FECH: variants seen among roughly 807,000 people sequenced by gnomAD.
FECH encodes the protein ferrochelatase, also known as ferrochelatase, mitochondrial.
FECH carries 40 observed loss-of-function variants against 56.9 expected under a neutral mutation model. The ratio of observed to expected loss-of-function variants is 0.70; its 90% confidence interval spans 0.55 to 0.92. The LOEUF (loss-of-function observed/expected upper bound fraction) is 0.92. Ranked by LOEUF, FECH falls within the 40% of genes least tolerant of loss-of-function variation. The probability of loss-of-function intolerance (pLI) is 0.00; values close to 1 mark genes in which losing one functional copy is unlikely to be tolerated. For synonymous variants in FECH, 175 were observed against 198.6 expected, an observed-to-expected ratio of 0.88 and a Z score of 1.00; for missense variants, 431 against 529.1, an observed-to-expected ratio of 0.81 and a Z score of 1.82.
intron 6 of FECH, among the ~76,000 whole-genome samples, chr18:57,561,078 A>G (rs950613752): frequency 6.6e-6 from 1 of 152,204 alleles, no homozygotes; most frequent in Non-Finnish European, 1.5e-5. Context: ...AGATGCTCAG[A>G]AAGGATTATT....
rs1348124082 is a variant in FECH, at chr18:57,545,826, A to AC, written c.*4885_*4886insG. ...TCTAGCTGGAGAAAATTGACAAAAA[A>AC]AATAGAAAGTTTGTAAAATGATCAA... On this transcript the variant is annotated 3_prime_UTR_variant, in exon 11 of 11. Transcript: ENST00000262093. 9.9e-5 allele frequency among the ~76,000 whole-genome samples: 15 copies of AC among 152,066 alleles called. No individual in the cohort carries two copies. The highest frequency in any genetic ancestry group is 8.5e-4 in the Admixed American group (13 of 15,272).
intron 7 of FECH, among the ~76,000 whole-genome samples, chr18:57,557,138 G>C (rs2050879161): frequency 6.6e-6 from 1 of 152,118 alleles, no homozygotes; most frequent in Non-Finnish European, 1.5e-5. Flanking sequence ...TCTCAGCGTT[G>C]GTAACTGTAC....
intron 7 of FECH, among the ~76,000 whole-genome samples, chr18:57,555,321 T>C (rs2050854685): frequency 1.3e-5 from 2 of 152,196 alleles, no homozygotes; most frequent in South Asian, 4.1e-4. Flanking sequence ...TGGTCATGTG[T>C]GTAGTTGATT....
chr18:57,578,805 C>A (rs1027656434), intron 2 of FECH, among the ~76,000 whole-genome samples: 6 of 148,060 alleles, frequency 4.1e-5, no homozygotes, highest in Non-Finnish European at 8.9e-5. Flanking sequence ...ACTAAAAATG[C>A]AAAATCAGCT....
chr18:57,548,124 C>T lies in FECH; in HGVS notation c.*2588G>A, dbSNP rs1057489636. Among the ~76,000 whole-genome samples the T allele has an allele frequency of 9.2e-5, 14 of 151,938 alleles. No homozygotes were observed. Among genetic ancestry groups the T allele is most frequent in the African/African-American group, 3.4e-4 (14 of 41,456 alleles). ...AAAAGTAGCCCAGCGTGGTGAAGCA[C>T]TCCTGTAGTCCCAGCTACTTGGAGG... On this transcript the variant is annotated 3_prime_UTR_variant, in exon 11 of 11. Coordinates refer to ENST00000262093, the MANE Select transcript of FECH (RefSeq NM_000140.5).
Position 57,549,274 on chromosome 18 carries a change from A to G in FECH, c.*1438T>C, listed in dbSNP as rs896301759. ...GTATTAAAAAAGCTCCTCACATTTA[A>G]TAATTCTGATTTAGATCAGTTTTGA... On this transcript the variant is annotated 3_prime_UTR_variant, in exon 11 of 11. Coordinates refer to ENST00000262093, the MANE Select transcript of FECH (RefSeq NM_000140.5). 2.6e-5 allele frequency: 4 copies of G among 152,346 alleles called. No individual in the cohort carries two copies. Among genetic ancestry groups the G allele is most frequent in the Non-Finnish European group, 4.4e-5 (3 of 68,034 alleles). 9.4% of individuals were successfully genotyped at this position (152,346 alleles called of 1,614,324 possible).
intron 1 of FECH, 88 bp downstream of exon 1, chr18:57,586,466 G>A (rs1422983443): frequency 1.4e-6 from 2 of 1,384,240 alleles, no homozygotes; most frequent in East Asian, 2.8e-5. Flanking sequence ...AATCCCCCGG[G>A]CGCGAGGGCC....
intron 5 of FECH, among the ~76,000 whole-genome samples, chr18:57,564,943 C>A (rs1158778241): frequency 1.3e-5 from 2 of 152,224 alleles, no homozygotes; most frequent in Non-Finnish European, 1.5e-5. Context: ...CTAAAAGATA[C>A]AACAGATAAA....
chr18:57,573,308 A>T lies in FECH; in HGVS notation c.252T>A (p.Asp84Glu), dbSNP rs752614510. 1 of 1,614,108 alleles carries T rather than the reference A, an allele frequency of 6.2e-7. No individual in the cohort carries two copies. The highest frequency in any genetic ancestry group is 8.5e-7 in the Non-Finnish European group (1 of 1,179,936). Residue 84 changes from aspartate to glutamate, a missense_variant, in exon 3 of 11, where the codon GAT becomes GAA. Transcript: ENST00000262093. ...LNMGGPETLG[D>E]VHDFLLRLFL... ...AGAGTCTCAGAAGGAAGTCGTGAAC[A>T]TCTCCAAGAGTTTCAGGGCCTCCCA...
intron 2 of FECH, among the ~76,000 whole-genome samples, chr18:57,578,895 G>T (rs1358011539): frequency 6.6e-6 from 1 of 151,584 alleles, no homozygotes; most frequent in Non-Finnish European, 1.5e-5. Context: ...GGAGGTGTAG[G>T]TTGCAGTGAG....
chr18:57,554,593 T>C (rs531089770), intron 8 of FECH, among the ~76,000 whole-genome samples, 169 bp from the exon 9 acceptor site: 46 of 152,338 alleles, frequency 3.0e-4, no homozygotes, highest in African/African-American at 1.1e-3. Context: ...ATCCTAGAAG[T>C]TGCCTCAATA....
At chr18:57,577,842 C>T (rs1431701316) in intron 2 of FECH, among the ~76,000 whole-genome samples, 2 of 151,970 alleles carry the variant, frequency 1.3e-5, no homozygotes, top group Non-Finnish European at 2.9e-5. Context: ...ACTGCTTGAC[C>T]CCAAGAGTTC....
chr18:57,580,398 A>G (rs554391787), intron 1 of FECH, among the ~76,000 whole-genome samples, 199 bp from the exon 2 acceptor site: 1 of 152,144 alleles, frequency 6.6e-6, no homozygotes, highest in South Asian at 2.1e-4. Context: ...CTCCCCTAGG[A>G]TGGCCGATGA....
intron 4 of FECH, chr18:57,567,870 T>G (rs2051039051): frequency 6.6e-6 from 1 of 152,184 alleles, no homozygotes; most frequent in Non-Finnish European, 1.5e-5. Context: ...TATTCTCTGG[T>G]TGGGTACTGC....
At position 57,550,679 on chromosome 18, in the gene FECH, T is replaced by C; in HGVS notation, c.*33A>G. On this transcript the variant is annotated 3_prime_UTR_variant, in exon 11 of 11. Transcript: ENST00000262093. The stretch of plus-strand genomic sequence containing the variant: ...ATCGGAGGTATCTGGAGGTTGGGCA[T>C]TTGCCTAACGCCACGGGGTCCACCG... 1 of 1,613,746 alleles carries C rather than the reference T, an allele frequency of 6.2e-7. No homozygotes were observed. The highest frequency in any genetic ancestry group is 8.5e-7 in the Non-Finnish European group (1 of 1,179,862).
Position 57,559,244 on chromosome 18 carries a change from CTGAG to C in FECH, c.706-5_706-2del, listed in dbSNP as rs868641903. 1.4e-5 allele frequency: 22 copies of C among 1,592,880 alleles called. No individual in the cohort carries two copies. Among genetic ancestry groups the C allele is most frequent in the Non-Finnish European group, 1.6e-5 (19 of 1,161,182 alleles). ...CCTTTAGAATATGATCTGCAAAGCA[CTGAG>C]TGAGTAACAAGAAAGGAGGATAAAG... On this transcript the variant is annotated splice_acceptor_variant and splice_polypyrimidine_tract_variant and intron_variant, in intron 6 of 10. Transcript: ENST00000262093. LOFTEE classifies it high-confidence loss of function.
At chr18:57,552,321 A>G (rs2050810587) in intron 9 of FECH, among the ~76,000 whole-genome samples, 1 of 152,138 alleles carries the variant, frequency 6.6e-6, no homozygotes, top group Admixed American at 6.5e-5. Flanking sequence ...TCAGGTAGTT[A>G]GGATTCTTCT....
At chr18:57,566,355 A>G in intron 5 of FECH, 92 bp downstream of exon 5, 2 of 1,573,746 alleles carry the variant, frequency 1.3e-6, no homozygotes, top group Non-Finnish European at 1.7e-6. Flanking sequence ...TTCAAATTGC[A>G]AATAATTCAT....
intron 4 of FECH, among the ~76,000 whole-genome samples, chr18:57,569,239 T>C (rs2051061384): frequency 6.6e-6 from 1 of 152,270 alleles, no homozygotes. Flanking sequence ...ATCTATTCTC[T>C]ACATTTCTGC....
Sources: allele counts gnomAD v4.1 joint callset (sites outside exome capture counted in the v4.1 genomes callset), GRCh38; gene constraint gnomAD v4.1.1; transcripts MANE v1.5; gene names NCBI Gene and HGNC (gene_info 2026-07-23, HGNC 2026-07-21).